The following DAB1 variants were observed in gnomAD, a reference collection of about 807,000 sequenced individuals.
The protein encoded by DAB1 is disabled homolog 1.
DAB1 carries 15 observed loss-of-function variants against 64.6 expected under a neutral mutation model. The ratio of observed to expected loss-of-function variants is 0.23; its 90% confidence interval spans 0.16 to 0.36. The LOEUF (loss-of-function observed/expected upper bound fraction) is 0.36, where lower values mean the gene tolerates loss of function less well. DAB1 is among the 10% of genes least tolerant of loss of function. The pLI is 1.00. For synonymous variants in DAB1, 235 were observed against 251.9 expected (o/e 0.93, Z 0.64); for missense variants, 596 against 706.7 (o/e 0.84, Z 1.78).
At chr1:57,629,719 G>T (rs1202028058) in intron 7 of DAB1, among the ~76,000 whole-genome samples, 3 of 138,336 alleles carry the variant, frequency 2.2e-5, no homozygotes, top group Non-Finnish European at 4.7e-5. Context: ...TAGATCTCCA[G>T]GTAGCTCAAG....
intron 4 of DAB1, among the ~76,000 whole-genome samples, chr1:57,104,591 C>A (rs1361338057): frequency 6.6e-6 from 1 of 152,080 alleles, no homozygotes; most frequent in East Asian, 1.9e-4. Context: ...GTATTTCAGG[C>A]TGGAACTTTA....
intron 14 of DAB1, among the ~76,000 whole-genome samples, chr1:57,009,715 A>G (rs1646205477): frequency 6.6e-6 from 1 of 152,202 alleles, no homozygotes; most frequent in African/African-American, 2.4e-5. Flanking sequence ...TGAAAATTGA[A>G]CACGTTTGTC....
chr1:57,072,428 A>T lies in DAB1; in HGVS notation c.307-14T>A, dbSNP rs776895241. 2 of 1,609,900 alleles carry T rather than the reference A, an allele frequency of 1.2e-6. No individual in the cohort carries two copies. Among genetic ancestry groups the T allele is most frequent in the East Asian group, 2.2e-5 (1 of 44,772 alleles). ...ATGCTGAAGGGCCTATCAGAGAAAA[A>T]AAAGGAAGAACATATTTCAGGGGAC... On this transcript the variant is annotated splice_polypyrimidine_tract_variant and intron_variant, in intron 4 of 14. Transcript: ENST00000371236.
intron 9 of DAB1, among the ~76,000 whole-genome samples, chr1:57,044,191 T>G (rs2100493562): frequency 6.6e-6 from 1 of 152,344 alleles, no homozygotes; most frequent in South Asian, 2.1e-4. Context: ...CCTTGTTTGG[T>G]TTTGTTTCAA....
At chr1:57,740,998 T>C (rs1647964339) in intron 6 of DAB1, among the ~76,000 whole-genome samples, 1 of 152,170 alleles carries the variant, frequency 6.6e-6, no homozygotes, top group South Asian at 2.1e-4. Flanking sequence ...AGGATGAAAC[T>C]GATTCATTAA....
chr1:57,296,017 G>C (rs1411720088), intron 1 of DAB1, among the ~76,000 whole-genome samples: 1 of 152,156 alleles, frequency 6.6e-6, no homozygotes, highest in Non-Finnish European at 1.5e-5. Flanking sequence ...GTCTTGGGTA[G>C]AGTTGAAGCA....
chr1:57,323,284 C>T (rs1442307421), intron 1 of DAB1, among the ~76,000 whole-genome samples: 1 of 152,090 alleles, frequency 6.6e-6, no homozygotes, highest in African/African-American at 2.4e-5. Flanking sequence ...ATAAACAGCC[C>T]AGAAGAGGGC....
intron 5 of DAB1, among the ~76,000 whole-genome samples, chr1:58,088,647 G>A (rs1364997472): frequency 6.6e-6 from 1 of 152,208 alleles, no homozygotes; most frequent in Non-Finnish European, 1.5e-5. Flanking sequence ...AACTTTCTCA[G>A]TGGGAAGGCA....
At chr1:57,257,258 C>A (rs552009363) in intron 2 of DAB1, among the ~76,000 whole-genome samples, 1 of 152,194 alleles carries the variant, frequency 6.6e-6, no homozygotes, top group African/African-American at 2.4e-5. Context: ...CTCCTGCAAA[C>A]AAATTGCCTA....
At chr1:57,355,357 T>TTCCC (rs1240649211) in intron 1 of DAB1, among the ~76,000 whole-genome samples, 1 of 151,640 alleles carries the variant, frequency 6.6e-6, no homozygotes, top group Non-Finnish European at 1.5e-5. Context: ...CCTTCCTTCC[T>TTCCC]TCCCTTCCTT....
At chr1:58,034,079 T>G (rs557627561) in intron 5 of DAB1, among the ~76,000 whole-genome samples, 98 of 152,312 alleles carry the variant, frequency 6.4e-4, no homozygotes, top group Non-Finnish European at 3.4e-4. Context: ...ACAGCAAAAA[T>G]GACAGGATGT....
rs187659128 is a variant in DAB1 at position 57,901,099 on chromosome 1, A to G, written n.388-16937T>C. Among the ~76,000 whole-genome samples the G allele has an allele frequency of 1.9e-3, 293 of 152,300 alleles. 2 individuals carry two copies. Among genetic ancestry groups the G allele is most frequent in the African/African-American group, 6.8e-3 (283 of 41,570 alleles). On this transcript the variant is annotated intron_variant and non_coding_transcript_variant, in intron 5 of 20. Transcript: ENST00000485760. ...TCTAATTTTTACCAAAGAGGAAAAC[A>G]AAGGCTTACAGAAGGTAAGCTGTTC... is the stretch of plus-strand genomic sequence containing the variant.
At chr1:58,309,978 T>A (rs1408475144) in intron 4 of DAB1, among the ~76,000 whole-genome samples, 2 of 152,196 alleles carry the variant, frequency 1.3e-5, no homozygotes, top group Admixed American at 1.3e-4. Flanking sequence ...AGATCTTGCT[T>A]AATTATTTCC....
intron 7 of DAB1, among the ~76,000 whole-genome samples, chr1:57,570,283 G>A (rs544921983): frequency 2.0e-5 from 3 of 152,088 alleles, no homozygotes; most frequent in South Asian, 2.1e-4. Context: ...CTGGAATATC[G>A]AACTCCAAGT....
At chr1:57,852,003 GA>G (rs1653546823) in intron 1 of DAB1, among the ~76,000 whole-genome samples, 1 of 152,204 alleles carries the variant, frequency 6.6e-6, no homozygotes, top group African/African-American at 2.4e-5. Flanking sequence ...TTGGCGTGCT[GA>G]GCACTTCAAA....
chr1:57,221,962 A>G (rs1346245190), intron 2 of DAB1, among the ~76,000 whole-genome samples: 1 of 151,546 alleles, frequency 6.6e-6, no homozygotes, highest in Non-Finnish European at 1.5e-5. Context: ...TTATTTGCCC[A>G]AAGTAACCAT....
At chr1:57,980,711 G>A (rs1378362349) in intron 5 of DAB1, among the ~76,000 whole-genome samples, 1 of 152,172 alleles carries the variant, frequency 6.6e-6, no homozygotes, top group African/African-American at 2.4e-5. Flanking sequence ...AATGGCATAT[G>A]ATGCAATGGG....
At chr1:57,724,555 G>C (rs1647186515) in intron 6 of DAB1, among the ~76,000 whole-genome samples, 2 of 152,170 alleles carry the variant, frequency 1.3e-5, no homozygotes, top group African/African-American at 4.8e-5. Flanking sequence ...TCTGAAATGA[G>C]TGAGTTTGGT....
intron 6 of DAB1, among the ~76,000 whole-genome samples, chr1:57,695,107 C>A (rs1451859715): frequency 6.6e-6 from 1 of 151,256 alleles, no homozygotes; most frequent in African/African-American, 2.4e-5. Flanking sequence ...GCCTGTAATC[C>A]CAGCTACTCA....
Sources: allele counts gnomAD v4.1 joint callset (sites outside exome capture counted in the v4.1 genomes callset), GRCh38; gene constraint gnomAD v4.1.1; transcripts MANE v1.5; gene names NCBI Gene and HGNC (gene_info 2026-07-23, HGNC 2026-07-21).